MYRIP: variants seen among roughly 807,000 people sequenced by gnomAD.
MYRIP encodes the protein myosin VIIA and Rab interacting protein.
In MYRIP, 49 loss-of-function variants were observed where a neutral mutation model predicts 98.0. The ratio of observed to expected loss-of-function variants is 0.50; its 90% CI spans 0.40 to 0.63. The LOEUF is 0.63. Ranked by LOEUF, MYRIP falls within the 30% of genes least tolerant of loss-of-function variation. The pLI, the probability that MYRIP is intolerant of heterozygous loss-of-function variation, is 0.00. For synonymous variants in MYRIP, 404 were observed against 409.5 expected, an observed-to-expected ratio of 0.99 and a Z score of 0.16; for missense variants, 1,004 against 1,058.2, an observed-to-expected ratio of 0.95 and a Z score of 0.71.
chr3:40,024,935 G>A (rs1437703822), intron 2 of MYRIP, among the ~76,000 whole-genome samples: 2 of 152,126 alleles, frequency 1.3e-5, no homozygotes, highest in Admixed American at 6.5e-5. Flanking sequence ...TTACTTTTTG[G>A]TGCCTGCTGC....
intron 3 of MYRIP, among the ~76,000 whole-genome samples, chr3:40,147,277 GTCTGTCTTGACTGCAT>G (rs1950029751): frequency 6.6e-6 from 1 of 152,042 alleles, no homozygotes; most frequent in Admixed American, 6.6e-5. Flanking sequence ...ACCTTACACA[GTCTGTCTTGACTGCAT>G]TCTGTAAGAT....
intron 11 of MYRIP, among the ~76,000 whole-genome samples, chr3:40,214,598 C>T (rs974602624): frequency 6.6e-6 from 1 of 152,170 alleles, no homozygotes. Flanking sequence ...AGCTGAAGAA[C>T]GAGCTTGGAG....
Position 40,246,083 on chromosome 3 carries a change from T to C in MYRIP, c.2262+1476T>C, listed in dbSNP as rs1358529109. On this transcript the variant is annotated intron_variant, in intron 13 of 16. Transcript: ENST00000302541. ...GATCCTGCATCTTAAAACTGAATCA[T>C]TGGGAGAACTGTGGTCGTCAATAAA... Among the ~76,000 whole-genome samples the C allele has an allele frequency of 6.2e-5, 7 of 113,352 alleles. 1 individual carries two copies. The highest frequency in any genetic ancestry group is 8.1e-5 in the African/African-American group (2 of 24,594). 74.4% of individuals were successfully genotyped at this position (113,352 alleles called of 152,430 possible).
At chr3:40,226,190 C>T (rs893457177) in intron 11 of MYRIP, among the ~76,000 whole-genome samples, 7 of 152,222 alleles carry the variant, frequency 4.6e-5, no homozygotes, top group African/African-American at 7.2e-5. Flanking sequence ...TGATAGTCAC[C>T]GACTTTCATG....
chr3:40,204,710 A>T lies in MYRIP; in HGVS notation c.1666-5144A>T, dbSNP rs55788399. ...CAAACCCTCCACTTTCTCTGCCTTC[A>T]CTGTCTTGGAGAGCATATTGGGGAG... On this transcript the variant is annotated intron_variant, in intron 10 of 16. Transcript: ENST00000302541. 5.9e-3 allele frequency among the ~76,000 whole-genome samples: 897 copies of T among 152,104 alleles called. 7 individuals carry two copies. The highest frequency in any genetic ancestry group is 0.02 in the African/African-American group (817 of 41,500).
chr3:40,131,177 T>C (rs74614386), intron 3 of MYRIP, among the ~76,000 whole-genome samples: 2,345 of 152,364 alleles, frequency 0.015, 19 homozygotes, highest in Non-Finnish European at 0.021. Context: ...GCTTTTCTGT[T>C]AGTGATTTCT....
At chr3:40,164,885 A>G (rs971303228) in intron 5 of MYRIP, among the ~76,000 whole-genome samples, 1 of 152,198 alleles carries the variant, frequency 6.6e-6, no homozygotes, top group Non-Finnish European at 1.5e-5. Flanking sequence ...ATAGTTATGC[A>G]TATCTCTTAG....
intron 3 of MYRIP, among the ~76,000 whole-genome samples, chr3:40,100,645 G>A (rs1948927415): frequency 6.6e-6 from 1 of 152,140 alleles, no homozygotes; most frequent in Non-Finnish European, 1.5e-5. Flanking sequence ...TCTGAGGCTG[G>A]GACTAAACTT....
intron 9 of MYRIP, among the ~76,000 whole-genome samples, chr3:40,187,902 G>A (rs188148827): frequency 1.6e-4 from 24 of 152,314 alleles, no homozygotes; most frequent in African/African-American, 5.5e-4. Flanking sequence ...GTGTTGTAGA[G>A]TCACTAGGGC....
chr3:40,255,341 G>C (rs1953542160), intron 16 of MYRIP, among the ~76,000 whole-genome samples: 1 of 152,186 alleles, frequency 6.6e-6, no homozygotes, highest in South Asian at 2.1e-4. Flanking sequence ...TACAGTGACA[G>C]AAATTTATTG....
intron 2 of MYRIP, among the ~76,000 whole-genome samples, chr3:39,941,932 C>CAG (rs71618919): frequency 0.19 from 28,892 of 151,962 alleles, 3,987 homozygotes; most frequent in African/African-American, 0.39. Context: ...TTGGATTTTA[C>CAG]AGTCATGTTG....
intron 3 of MYRIP, among the ~76,000 whole-genome samples, chr3:40,106,188 C>G (rs561780212): frequency 1.3e-5 from 2 of 152,106 alleles, no homozygotes; most frequent in Admixed American, 1.3e-4. Flanking sequence ...GTTAACAAAA[C>G]AATCTTGGCA....
At chr3:39,929,512 T>C (rs1944492310) in intron 2 of MYRIP, among the ~76,000 whole-genome samples, 2 of 152,124 alleles carry the variant, frequency 1.3e-5, no homozygotes, top group Admixed American at 1.3e-4. Context: ...AACTGTGGTA[T>C]TGGCAGAGTG....
chr3:40,075,614 A>G (rs1211111407), intron 3 of MYRIP, among the ~76,000 whole-genome samples: 1 of 152,240 alleles, frequency 6.6e-6, no homozygotes, highest in Non-Finnish European at 1.5e-5. Context: ...ATAACTTAAT[A>G]GAATGCTTAG....
At chr3:40,201,851 G>T (rs1951570323) in intron 10 of MYRIP, among the ~76,000 whole-genome samples, 1 of 152,098 alleles carries the variant, frequency 6.6e-6, no homozygotes, top group Non-Finnish European at 1.5e-5. Context: ...AGTTTTAGGT[G>T]AACAGCAATG....
intron 3 of MYRIP, among the ~76,000 whole-genome samples, chr3:40,072,991 T>C (rs1948263438): frequency 6.6e-6 from 1 of 152,244 alleles, no homozygotes; most frequent in South Asian, 2.1e-4. Flanking sequence ...GAAAAAGGTA[T>C]ATTAAAAATA....
intron 3 of MYRIP, among the ~76,000 whole-genome samples, chr3:40,128,551 A>T (rs1370922760): frequency 6.6e-6 from 1 of 152,194 alleles, no homozygotes; most frequent in African/African-American, 2.4e-5. Context: ...GTTCCGTGGG[A>T]CAGGCCAGGG....
In MYRIP at chr3:40,234,015, G is replaced by C. The variant is rs755190296; in HGVS notation, c.2062G>C (p.Val688Leu). The change falls in exon 12 of 17, where the codon GTG (valine) becomes CTG (leucine). Residue 688 changes from valine (V) to leucine (L), a missense_variant. By Grantham distance (32) the Val-to-Leu change is conservative (BLOSUM62 1). Around this residue, in one of 3 missense-constraint regions of MYRIP, gnomAD observed 880 missense variants for 907.7 expected, o/e 0.97. Transcript: ENST00000302541. ...KGMFPRGTDQ[V>L]RLDEQLTSLE... ...GATGTTTCCTCGTGGGACAGACCAAGTGAGACTGGATGAGCAGCTGACTTC... is the reference window on the plus strand; with the variant it reads ...GATGTTTCCTCGTGGGACAGACCAACTGAGACTGGATGAGCAGCTGACTTC... 1.9e-6 allele frequency: 3 copies of C among 1,610,500 alleles called. No homozygotes were observed. The highest frequency in any genetic ancestry group is 2.5e-6 in the Non-Finnish European group (3 of 1,179,042).
intron 2 of MYRIP, among the ~76,000 whole-genome samples, chr3:40,036,024 AG>A (rs1947373517): frequency 6.6e-6 from 1 of 151,952 alleles, no homozygotes; most frequent in Admixed American, 6.6e-5. Flanking sequence ...AGAACAGAAA[AG>A]CTTTGAGATA....
Sources: allele counts gnomAD v4.1 joint callset (sites outside exome capture counted in the v4.1 genomes callset), GRCh38; gene constraint gnomAD v4.1.1; regional missense constraint gnomAD v4.1.1; transcripts MANE v1.5; gene names NCBI Gene and HGNC (gene_info 2026-07-23, HGNC 2026-07-21).